The following DUSP22 variants were observed in gnomAD, a reference collection of about 807,000 sequenced individuals.
DUSP22 encodes dual specificity protein phosphatase 22.
Under a neutral mutation model 24.5 loss-of-function variants are expected in DUSP22, and 24 were observed. The observed-to-expected ratio is 0.98, with a 90% CI of 0.71 to 1.38. DUSP22 has a LOEUF of 1.38. DUSP22 is among the 40% of genes most tolerant of loss of function. DUSP22 has a pLI of 0.00. For missense variants in DUSP22, 330 were observed against 269.2 expected, an observed-to-expected ratio of 1.23 and a Z score of -1.58; for synonymous variants, 160 against 106.4, an observed-to-expected ratio of 1.50 and a Z score of -3.10.
At chr6:339,683 T>C (rs1759514163) in intron 4 of DUSP22, among the ~76,000 whole-genome samples, 1 of 152,282 alleles carries the variant, frequency 6.6e-6, no homozygotes. Context: ...TTTCTTGAGG[T>C]TTTTGTGGGG....
At chr6:345,021 G>A (rs1759791008) in intron 4 of DUSP22, among the ~76,000 whole-genome samples, 1 of 152,302 alleles carries the variant, frequency 6.6e-6, no homozygotes, top group African/African-American at 2.4e-5. Context: ...CCCAGTCTGT[G>A]GTAACTATGT....
At chr6:326,500 A>C (rs1462268444) in intron 3 of DUSP22, among the ~76,000 whole-genome samples, 2 of 89,708 alleles carry the variant, frequency 2.2e-5, no homozygotes, top group Non-Finnish European at 4.4e-5. Flanking sequence ...GGGTGCCTGG[A>C]GAGTCATCTG....
intron 3 of DUSP22, among the ~76,000 whole-genome samples, chr6:332,738 G>A (rs891607022): frequency 3.9e-5 from 6 of 152,144 alleles, no homozygotes; most frequent in Admixed American, 1.3e-4. Flanking sequence ...TCTGGGGGAC[G>A]CCGGCATTTC....
Position 349,129 on chromosome 6 carries a change from C to A in DUSP22, c.*178C>A. 2 of 1,438,310 alleles carry A rather than the reference C, an allele frequency of 1.4e-6. No homozygotes were observed. Among genetic ancestry groups the A allele is most frequent in the African/African-American group, 2.9e-5 (2 of 69,944 alleles). 89.1% of individuals were successfully genotyped at this position (1,438,310 alleles called of 1,614,324 possible). A position where few individuals can be genotyped will look rare whatever the true frequency, so the allele number is the denominator to read the frequency against. ...CCTGCTCCAGGCCCCTGCACTCCGCCCACCCCTACCCTGGCTGCACCTGAG... is the reference window on the plus strand; with the variant it reads ...CCTGCTCCAGGCCCCTGCACTCCGCACACCCCTACCCTGGCTGCACCTGAG... On this transcript the variant is annotated 3_prime_UTR_variant, in exon 7 of 7. Transcript: ENST00000419235.
intron 4 of DUSP22, among the ~76,000 whole-genome samples, chr6:343,687 G>A (rs6903693): frequency 0.016 from 2,387 of 151,290 alleles, 4 homozygotes; most frequent in East Asian, 0.041. Flanking sequence ...GCATGTTTGC[G>A]TGTGCATGTT....
intron 1 of DUSP22, among the ~76,000 whole-genome samples, chr6:298,585 T>A (rs912569394): frequency 6.6e-6 from 1 of 152,298 alleles, no homozygotes; most frequent in African/African-American, 2.4e-5. Flanking sequence ...AGGATTTGTG[T>A]TTTTGCATTT....
intron 3 of DUSP22, among the ~76,000 whole-genome samples, chr6:328,746 C>T (rs1561668869): frequency 6.6e-6 from 1 of 152,308 alleles, no homozygotes; most frequent in Non-Finnish European, 1.5e-5. Context: ...TGCAGCCTAA[C>T]TAATGGAGCA....
In DUSP22 at chr6:349,936, C is replaced by T. The variant is rs548862408; in HGVS notation, c.*985C>T. On this transcript the variant is annotated 3_prime_UTR_variant, in exon 7 of 7. Transcript: ENST00000419235. ...TTCACTCCCAGCCTCTCGCTGTCCT[C>T]ACTTTGCAGGGGCTCCTCCTCAACA... 1 of 985,868 alleles carries T rather than the reference C, an allele frequency of 1.0e-6. No individual in the cohort carries two copies. The highest frequency in any genetic ancestry group is 1.7e-5 in the African/African-American group (1 of 57,408). 61.1% of individuals were successfully genotyped at this position (985,868 alleles called of 1,614,324 possible). A position where few individuals can be genotyped will look rare whatever the true frequency, so the allele number is the denominator to read the frequency against.
intron 4 of DUSP22, among the ~76,000 whole-genome samples, chr6:343,556 C>T: frequency 1.4e-5 from 2 of 145,498 alleles, no homozygotes; most frequent in South Asian, 4.4e-4. Context: ...TTAACAAAAG[C>T]AGATGTGCTA....
Position 349,520 on chromosome 6 carries a change from C to T in DUSP22, c.*569C>T, listed in dbSNP as rs545017636. ...GAGCAGACCGTGAGAACTCAGGGGA[C>T]GAGTGGCTAAGAGCATGGCCTCTCC... On this transcript the variant is annotated 3_prime_UTR_variant, in exon 7 of 7. Coordinates refer to ENST00000419235, the MANE Select transcript of DUSP22 (RefSeq NM_001286555.3). 1.2e-4 allele frequency: 117 copies of T among 991,916 alleles called. No individual in the cohort carries two copies. The East Asian group carries it at 7.6e-3, about 65-fold the overall frequency. The allele number at this position is 991,916 out of a possible 1,614,324, so 61.4% of individuals were successfully genotyped here.
intron 1 of DUSP22, among the ~76,000 whole-genome samples, chr6:303,547 G>A (rs1757681333): frequency 1.3e-5 from 2 of 152,308 alleles, no homozygotes; most frequent in Admixed American, 6.5e-5. Context: ...GACTTCCTCA[G>A]TGGGAGTGAA....
chr6:293,494 A>C (rs888258762), intron 1 of DUSP22, among the ~76,000 whole-genome samples: 1 of 152,276 alleles, frequency 6.6e-6, no homozygotes, highest in Non-Finnish European at 1.5e-5. Context: ...TTTCTGCTTC[A>C]CTTTTTCATT....
chr6:334,565 T>C (rs1759280240), intron 3 of DUSP22, among the ~76,000 whole-genome samples: 1 of 152,304 alleles, frequency 6.6e-6, no homozygotes, highest in Non-Finnish European at 1.5e-5. Flanking sequence ...TAAACCTTTA[T>C]TGTCCTGAAA....
At chr6:311,197 A>G (rs1758069923) in intron 2 of DUSP22, among the ~76,000 whole-genome samples, 2 of 152,304 alleles carry the variant, frequency 1.3e-5, no homozygotes, top group Non-Finnish European at 2.9e-5. Flanking sequence ...TTTTATGTCT[A>G]CTTGGCATCA....
chr6:349,918 C>T lies in DUSP22; in HGVS notation c.*967C>T. The T allele has an allele frequency of 3.0e-6, 3 of 986,024 alleles. No homozygotes were observed. The South Asian group carries it at 1.4e-4, about 46-fold the overall frequency. The allele number at this position is 986,024 out of a possible 1,614,324, so 61.1% of individuals were successfully genotyped here. On this transcript the variant is annotated 3_prime_UTR_variant, in exon 7 of 7. Coordinates refer to ENST00000419235, the MANE Select transcript of DUSP22 (RefSeq NM_001286555.3). ...TGCTCCTTGCCAGCTTCATTCACTC[C>T]CAGCCTCTCGCTGTCCTCACTTTGC...
At chr6:301,249 T>C (rs1757568626) in intron 1 of DUSP22, among the ~76,000 whole-genome samples, 1 of 152,140 alleles carries the variant, frequency 6.6e-6, no homozygotes, top group Non-Finnish European at 1.5e-5. Flanking sequence ...TTTTCGAGCA[T>C]ACCCAAGGGA....
intron 2 of DUSP22, among the ~76,000 whole-genome samples, chr6:308,099 A>T (rs1329185130): frequency 6.6e-6 from 1 of 152,290 alleles, no homozygotes; most frequent in Non-Finnish European, 1.5e-5. Flanking sequence ...GTTAGGGTGC[A>T]CATGACCTTC....
intron 3 of DUSP22, among the ~76,000 whole-genome samples, chr6:323,180 T>C (rs1251906606): frequency 6.6e-6 from 1 of 152,302 alleles, no homozygotes; most frequent in African/African-American, 2.4e-5. Context: ...TCCATGCTTT[T>C]AAAAATGTGT....
chr6:306,484 T>C (rs1561651482), intron 2 of DUSP22, among the ~76,000 whole-genome samples: 1 of 152,426 alleles, frequency 6.6e-6, no homozygotes, highest in Non-Finnish European at 1.5e-5. Flanking sequence ...GTTTCGTCTA[T>C]GAGAGTGTTG....
Sources: allele counts gnomAD v4.1 joint callset (sites outside exome capture counted in the v4.1 genomes callset), GRCh38; gene constraint gnomAD v4.1.1; transcripts MANE v1.5; gene names NCBI Gene and HGNC (gene_info 2026-07-23, HGNC 2026-07-21).